The following TRIO variants were observed in gnomAD, a reference collection of about 807,000 sequenced individuals.
The protein encoded by TRIO is trio Rho guanine nucleotide exchange factor.
TRIO carries 58 observed loss-of-function variants against 351.9 expected under a neutral mutation model. That is an observed-to-expected ratio of 0.16 (90% CI 0.13 to 0.21). TRIO has a LOEUF of 0.21. Among genes scored for constraint, TRIO ranks in the 10% least tolerant of loss-of-function variants. The pLI, the probability that TRIO is intolerant of heterozygous loss-of-function variation, is 1.00. For synonymous variants in TRIO, 1,758 were observed against 1,595.7 expected (o/e 1.10, Z -2.42); for missense variants, 3,201 against 4,027.8 (o/e 0.79, Z 5.56).
At chr5:14,313,820 C>T (rs1277791027) in intron 8 of TRIO, among the ~76,000 whole-genome samples, 1 of 152,154 alleles carries the variant, frequency 6.6e-6, no homozygotes, top group Non-Finnish European at 1.5e-5. Context: ...CCAGCTTAGC[C>T]CCTAAACAGC....
rs538521153 is a variant in TRIO at position 14,443,343 on chromosome 5, AG to A, written c.5204-17675del. On this transcript the variant is annotated intron_variant, in intron 34 of 56. Transcript: ENST00000344204. The stretch of plus-strand genomic sequence containing the variant: ...CGTGCATATGCGTGTGTGTGTAGAA[AG>A]TGCCTGCCCATCCTTTTCTAACGCT... 9.8e-5 allele frequency among the ~76,000 whole-genome samples: 15 copies of A among 152,310 alleles called. No homozygotes were observed. The South Asian group carries it at 3.1e-3, about 32-fold the overall frequency.
In TRIO at chr5:14,497,598, C is replaced by T. The variant is rs145953714; in HGVS notation, c.8020-249C>T. Among the ~76,000 whole-genome samples the T allele has an allele frequency of 1.3e-5, 2 of 152,304 alleles. No individual in the cohort carries two copies. The highest frequency in any genetic ancestry group is 2.9e-5 in the Non-Finnish European group (2 of 68,024). ...AACGCATCTGAGGACCAGCTGGACT[C>T]AGCCTGTAGCATGAGAAAAACACAC... is the stretch of plus-strand genomic sequence containing the variant. On this transcript the variant is annotated intron_variant, in intron 50 of 56. Coordinates refer to ENST00000344204, the MANE Select transcript of TRIO (RefSeq NM_007118.4). This position sits in a 1 kb window ranked among gnomAD's most constrained non-coding sequence, Gnocchi z 4.4.
chr5:14,362,220 A>G (rs1744210041), intron 13 of TRIO, among the ~76,000 whole-genome samples: 3 of 152,234 alleles, frequency 2.0e-5, no homozygotes. Context: ...CAGACTGGTT[A>G]AGCTTCTTTG....
chr5:14,151,969 G>A (rs996708270), intron 1 of TRIO, among the ~76,000 whole-genome samples: 3 of 151,882 alleles, frequency 2.0e-5, no homozygotes, highest in Non-Finnish European at 4.4e-5. Context: ...TAAATGATAA[G>A]GACCGAGAGC....
At chr5:14,480,115 T>G in intron 43 of TRIO, 104 bp downstream of exon 43, 1 of 1,006,154 alleles carries the variant, frequency 9.9e-7, no homozygotes, top group East Asian at 2.6e-5. Context: ...GAATCATCTG[T>G]GTAACAGGTA....
Position 14,502,667 on chromosome 5 carries a change from A to G in TRIO, c.8411+10A>G. Reference sequence around the variant, plus strand: ...TGGCTGAGCTTGGCAGGTATGATGCACAACCCAGAACGCCTTCCGAAAGAG... The same window carrying G: ...TGGCTGAGCTTGGCAGGTATGATGCGCAACCCAGAACGCCTTCCGAAAGAG... On this transcript the variant is annotated intron_variant, in intron 54 of 56. Transcript: ENST00000344204. 1.9e-6 allele frequency: 3 copies of G among 1,614,056 alleles called. No homozygotes were observed. Among genetic ancestry groups the G allele is most frequent in the Non-Finnish European group, 8.5e-7 (1 of 1,179,930 alleles).
intron 49 of TRIO, among the ~76,000 whole-genome samples, chr5:14,495,835 G>T (rs573226023): frequency 6.2e-4 from 94 of 152,086 alleles, no homozygotes; most frequent in Non-Finnish European, 9.3e-4. Flanking sequence ...GAGCGTAGTG[G>T]CAGGCGCCTG....
At chr5:14,428,375 C>G (rs895349944) in intron 34 of TRIO, among the ~76,000 whole-genome samples, 1 of 152,068 alleles carries the variant, frequency 6.6e-6, no homozygotes, top group Admixed American at 6.5e-5. Context: ...ACTGAGAAAT[C>G]TATATACAGG....
intron 8 of TRIO, among the ~76,000 whole-genome samples, chr5:14,311,870 A>G (rs1032614807): frequency 3.3e-5 from 5 of 152,178 alleles, no homozygotes; most frequent in African/African-American, 1.2e-4. Flanking sequence ...ATTACAGGCT[A>G]AATGTCTTGG....
intron 1 of TRIO, among the ~76,000 whole-genome samples, chr5:14,172,075 C>T (rs1461597959): frequency 6.6e-6 from 1 of 152,118 alleles, no homozygotes; most frequent in Non-Finnish European, 1.5e-5. Context: ...AACTTTTTGC[C>T]AATCTGTTCT....
intron 34 of TRIO, among the ~76,000 whole-genome samples, chr5:14,423,265 G>A (rs78644214): frequency 0.028 from 4,255 of 152,318 alleles, 190 homozygotes; most frequent in African/African-American, 0.097. Context: ...TGCCCCCAGC[G>A]AGTCTCTTCT....
chr5:14,434,445 G>A (rs1751425751), intron 34 of TRIO, among the ~76,000 whole-genome samples: 1 of 150,714 alleles, frequency 6.6e-6, no homozygotes, highest in Non-Finnish European at 1.5e-5. Flanking sequence ...CATACTCTCA[G>A]TTTCTTTAGC....
At chr5:14,325,156 T>C (rs1740253936) in intron 9 of TRIO, among the ~76,000 whole-genome samples, 1 of 152,234 alleles carries the variant, frequency 6.6e-6, no homozygotes, top group Admixed American at 6.5e-5. Flanking sequence ...AGGGAAAATA[T>C]CATTTACATT....
intron 34 of TRIO, among the ~76,000 whole-genome samples, chr5:14,458,959 G>A (rs1049358530): frequency 3.3e-5 from 5 of 152,132 alleles, no homozygotes; most frequent in African/African-American, 9.7e-5. Context: ...GTAAATATAT[G>A]AGAAAATATA....
chr5:14,145,497 C>T (rs2401878), intron 1 of TRIO, among the ~76,000 whole-genome samples: 1 of 134,482 alleles, frequency 7.4e-6, no homozygotes, highest in Non-Finnish European at 1.6e-5. Context: ...AAGCTACCCC[C>T]CCCCACCTTT....
intron 56 of TRIO, 138 bp from the exon 57 acceptor site, chr5:14,507,742 C>A: frequency 9.0e-7 from 1 of 1,109,754 alleles, no homozygotes; most frequent in Non-Finnish European, 1.3e-6. Flanking sequence ...CTGAGTGGTC[C>A]GGCCTGCTTT....
intron 34 of TRIO, among the ~76,000 whole-genome samples, chr5:14,455,272 C>T (rs977450274): frequency 1.4e-4 from 21 of 152,132 alleles, no homozygotes; most frequent in African/African-American, 4.6e-4. Flanking sequence ...GCCGATTCGC[C>T]GATTTTACAG....
At chr5:14,294,277 A>G (rs963876811) in intron 6 of TRIO, among the ~76,000 whole-genome samples, 24 of 152,222 alleles carry the variant, frequency 1.6e-4, no homozygotes, top group African/African-American at 5.8e-4. Context: ...ACAGTCAACT[A>G]GGTGCTACAA....
chr5:14,479,146 C>T (rs1374791126), intron 41 of TRIO, 115 bp from the exon 42 acceptor site: 9 of 826,034 alleles, frequency 1.1e-5, no homozygotes, highest in Non-Finnish European at 1.9e-5. Flanking sequence ...CTTAGCTGTG[C>T]AGCTTGGTTT....
Sources: gnomAD v4.1 joint callset for allele counts (sites outside exome capture counted in the v4.1 genomes callset) on GRCh38, gnomAD v4.1.1 for gene constraint, Gnocchi (gnomAD v3.1) non-coding constraint, MANE v1.5 for transcripts, NCBI Gene and HGNC (gene_info 2026-07-23, HGNC 2026-07-21) for gene names.